TSHZ2: variants seen among roughly 807,000 people sequenced by gnomAD.
TSHZ2 encodes teashirt zinc finger homeobox 2, also known as teashirt homolog 2.
In TSHZ2, 21 loss-of-function variants were observed where a neutral mutation model predicts 74.4. The observed-to-expected ratio is 0.28, with a 90% CI of 0.20 to 0.41. The LOEUF is 0.41. Among genes scored for constraint, TSHZ2 ranks in the 10% least tolerant of loss-of-function variants. TSHZ2 has a pLI of 1.00. For missense variants in TSHZ2, 1,244 were observed against 1,293.5 expected (o/e 0.96, Z 0.59); for synonymous variants, 540 against 515.3 (o/e 1.05, Z -0.65).
At chr20:53,337,668 T>C (rs1190851555) in intron 2 of TSHZ2, among the ~76,000 whole-genome samples, 1 of 152,234 alleles carries the variant, frequency 6.6e-6, no homozygotes. Flanking sequence ...TCAGATTCGA[T>C]TCTTGTTAAT....
intron 1 of TSHZ2, among the ~76,000 whole-genome samples, chr20:53,163,349 GCTCT>G (rs1007184029): frequency 6.2e-5 from 8 of 128,052 alleles, no homozygotes; most frequent in African/African-American, 2.0e-4. Flanking sequence ...GTGCACGCAC[GCTCT>G]CTGTCTCTTT....
intron 1 of TSHZ2, among the ~76,000 whole-genome samples, chr20:53,091,999 T>C (rs944324784): frequency 1.3e-5 from 2 of 152,138 alleles, no homozygotes; most frequent in Non-Finnish European, 2.9e-5. Flanking sequence ...TGAGCCATGA[T>C]TGCACCACTG....
At chr20:53,124,267 A>T (rs961607139) in intron 1 of TSHZ2, among the ~76,000 whole-genome samples, 5 of 151,530 alleles carry the variant, frequency 3.3e-5, no homozygotes, top group African/African-American at 1.2e-4. Context: ...ATGGGTTTGA[A>T]CCCCCCTGCA....
At chr20:53,292,388 T>A (rs556753387) in intron 2 of TSHZ2, among the ~76,000 whole-genome samples, 1 of 151,954 alleles carries the variant, frequency 6.6e-6, no homozygotes, top group South Asian at 2.1e-4. Context: ...TTCCAAGAAC[T>A]CTTTCTGAAG....
intron 2 of TSHZ2, among the ~76,000 whole-genome samples, chr20:53,385,011 C>T (rs1314545097): frequency 1.3e-5 from 2 of 152,048 alleles, no homozygotes; most frequent in African/African-American, 4.8e-5. Flanking sequence ...GTCCCAGCTA[C>T]TCGGGAGGCT....
chr20:53,050,268 G>T (rs1984414203), intron 1 of TSHZ2, among the ~76,000 whole-genome samples: 1 of 150,674 alleles, frequency 6.6e-6, no homozygotes, highest in Non-Finnish European at 1.5e-5. Flanking sequence ...GGTATATTTA[G>T]TTGTTCTTAC....
At chr20:53,435,515 ATTAAT>A (rs1392445608) in intron 2 of TSHZ2, among the ~76,000 whole-genome samples, 3 of 152,124 alleles carry the variant, frequency 2.0e-5, no homozygotes, top group African/African-American at 2.4e-5. Context: ...CTTTTTTTAA[ATTAAT>A]TTATTTATTT....
At chr20:53,472,130 T>G (rs891044294) in intron 2 of TSHZ2, among the ~76,000 whole-genome samples, 1 of 152,120 alleles carries the variant, frequency 6.6e-6, no homozygotes, top group African/African-American at 2.4e-5. Flanking sequence ...TAAGCTGGAA[T>G]GAGGAGTGAC....
At chr20:53,085,484 C>T (rs1365491599) in intron 1 of TSHZ2, among the ~76,000 whole-genome samples, 4 of 152,084 alleles carry the variant, frequency 2.6e-5, no homozygotes, top group Non-Finnish European at 2.9e-5. Context: ...GGAAACACAC[C>T]GAGGAGAAAC....
intron 2 of TSHZ2, among the ~76,000 whole-genome samples, chr20:53,276,029 TA>T (rs1990939470): frequency 6.6e-6 from 1 of 152,220 alleles, no homozygotes; most frequent in African/African-American, 2.4e-5. Flanking sequence ...CAAAGTTAAG[TA>T]AAATAAGAAA....
At chr20:53,014,195 CAGAG>C (rs10539599) in intron 1 of TSHZ2, among the ~76,000 whole-genome samples, 48,056 of 149,762 alleles carry the variant, frequency 0.32, 8,086 homozygotes, top group Non-Finnish European at 0.41. Flanking sequence ...CTTCATACGG[CAGAG>C]AGAGAGAGAG....
intron 2 of TSHZ2, among the ~76,000 whole-genome samples, chr20:53,465,795 G>A (rs1047339466): frequency 3.3e-5 from 5 of 152,048 alleles, no homozygotes; most frequent in African/African-American, 1.2e-4. Context: ...TCAGGCAAAA[G>A]ATGGAAACTC....
chr20:53,021,735 G>C (rs1983254840), intron 1 of TSHZ2, among the ~76,000 whole-genome samples: 1 of 152,172 alleles, frequency 6.6e-6, no homozygotes, highest in Admixed American at 6.5e-5. Context: ...ATCCACTGCA[G>C]GTTCATCTTA....
intron 2 of TSHZ2, among the ~76,000 whole-genome samples, chr20:53,472,393 T>C (rs986592960): frequency 6.6e-6 from 1 of 152,122 alleles, no homozygotes; most frequent in African/African-American, 2.4e-5. Context: ...CGACCGAACT[T>C]TCTGGCTGAA....
At chr20:53,215,993 C>T (rs1261206585) in intron 1 of TSHZ2, among the ~76,000 whole-genome samples, 1 of 152,108 alleles carries the variant, frequency 6.6e-6, no homozygotes, top group African/African-American at 2.4e-5. Flanking sequence ...GGCCAAACAC[C>T]TGTCTCTGAT....
intron 1 of TSHZ2, among the ~76,000 whole-genome samples, chr20:53,005,304 T>A (rs770548493): frequency 7.2e-5 from 11 of 151,914 alleles, no homozygotes; most frequent in Non-Finnish European, 1.3e-4. Context: ...AGAGAGAGAC[T>A]CTGTCTCAAA....
intron 1 of TSHZ2, among the ~76,000 whole-genome samples, chr20:53,047,394 T>C (rs950834271): frequency 1.3e-5 from 2 of 152,180 alleles, no homozygotes; most frequent in African/African-American, 4.8e-5. Flanking sequence ...CTTCTGATGG[T>C]CCAAGATGGC....
chr20:53,058,739 AG>A (rs1277150361), intron 1 of TSHZ2, among the ~76,000 whole-genome samples: 1 of 152,246 alleles, frequency 6.6e-6, no homozygotes, highest in Non-Finnish European at 1.5e-5. Flanking sequence ...AGGCCTGACC[AG>A]GTGGCAAATG....
intron 1 of TSHZ2, among the ~76,000 whole-genome samples, chr20:53,111,002 C>G (rs2045913189): frequency 1.3e-5 from 2 of 152,128 alleles, no homozygotes; most frequent in African/African-American, 2.4e-5. Flanking sequence ...CAGAAGTCAC[C>G]TATCTATCTG....
Sources: gnomAD v4.1 joint callset for allele counts (sites outside exome capture counted in the v4.1 genomes callset) on GRCh38, gnomAD v4.1.1 for gene constraint, MANE v1.5 for transcripts, NCBI Gene and HGNC (gene_info 2026-07-23, HGNC 2026-07-21) for gene names.